The following NLGN1 variants were observed in gnomAD, a reference collection of about 807,000 sequenced individuals.
NLGN1 encodes neuroligin 1, also known as neuroligin-1.
In NLGN1, 12 loss-of-function variants were observed where a neutral mutation model predicts 65.5. The ratio of observed to expected loss-of-function variants is 0.18; its 90% confidence interval spans 0.12 to 0.30. The LOEUF is 0.30. Among genes scored for constraint, NLGN1 ranks in the 10% least tolerant of loss-of-function variants. NLGN1 has a pLI of 1.00. For synonymous variants in NLGN1, 350 were observed against 359.5 expected, an observed-to-expected ratio of 0.97 and a Z score of 0.30; for missense variants, 750 against 1,007.1, an observed-to-expected ratio of 0.74 and a Z score of 3.46.
chr3:174,116,334 T>C (rs1437572702), intron 4 of NLGN1, among the ~76,000 whole-genome samples: 1 of 129,210 alleles, frequency 7.7e-6, no homozygotes, highest in Non-Finnish European at 1.7e-5. Context: ...GGTTTTCTTT[T>C]TTTTTTTTTT....
At chr3:173,878,496 T>C (rs998745216) in intron 4 of NLGN1, among the ~76,000 whole-genome samples, 7 of 152,004 alleles carry the variant, frequency 4.6e-5, no homozygotes, top group Admixed American at 6.6e-5. Flanking sequence ...TCAAGTATCT[T>C]TTTGAAAAAT....
chr3:173,653,531 T>C (rs1365798332), intron 3 of NLGN1, among the ~76,000 whole-genome samples: 1 of 152,214 alleles, frequency 6.6e-6, no homozygotes, highest in Non-Finnish European at 1.5e-5. Flanking sequence ...GTTTATATGA[T>C]GAATTACATT....
chr3:173,943,697 A>G (rs1746577844), intron 4 of NLGN1, among the ~76,000 whole-genome samples: 1 of 151,886 alleles, frequency 6.6e-6, no homozygotes, highest in African/African-American at 2.4e-5. Context: ...TTACAGGCAA[A>G]TTTTCTTCCC....
intron 4 of NLGN1, among the ~76,000 whole-genome samples, chr3:174,113,667 G>A (rs1265731700): frequency 6.6e-6 from 1 of 152,066 alleles, no homozygotes; most frequent in Non-Finnish European, 1.5e-5. Context: ...GATTTAAAAT[G>A]TGGGCATAAA....
chr3:173,492,696 A>G (rs1393930174), intron 2 of NLGN1, among the ~76,000 whole-genome samples: 1 of 151,872 alleles, frequency 6.6e-6, no homozygotes, highest in Non-Finnish European at 1.5e-5. Flanking sequence ...TTAAATCAGA[A>G]TCCATTGCAA....
chr3:174,244,779 A>C (rs990240147), intron 4 of NLGN1, among the ~76,000 whole-genome samples: 1 of 152,184 alleles, frequency 6.6e-6, no homozygotes, highest in Non-Finnish European at 1.5e-5. Context: ...CCCCATTAAA[A>C]TGCTTGGTGA....
intron 4 of NLGN1, among the ~76,000 whole-genome samples, chr3:174,265,630 C>A (rs1029529898): frequency 4.6e-5 from 7 of 152,030 alleles, no homozygotes; most frequent in African/African-American, 1.7e-4. Context: ...ATGCAGAAAT[C>A]ACCCGTCTTC....
In NLGN1 at chr3:174,280,038, A is replaced by C. The variant is rs76110426; in HGVS notation, c.1649+388A>C. ...TCAGGTACTATTAATCCCACTTTAC[A>C]AGAAGGAGACCTGAGGCTCTGTGAG... On this transcript the variant is annotated intron_variant, in intron 6 of 6. Coordinates refer to ENST00000457714, the Ensembl canonical transcript of NLGN1. This position sits in a 1 kb window ranked among gnomAD's most constrained non-coding sequence, Gnocchi z 4.9. 0.027 allele frequency among the ~76,000 whole-genome samples: 4,069 copies of C among 152,062 alleles called. 135 individuals carry two copies. Among genetic ancestry groups the C allele is most frequent in the Middle Eastern group, 0.082 (24 of 294 alleles).
At chr3:173,872,669 A>G (rs900843713) in intron 4 of NLGN1, among the ~76,000 whole-genome samples, 2 of 152,188 alleles carry the variant, frequency 1.3e-5, no homozygotes, top group Non-Finnish European at 2.9e-5. Flanking sequence ...CTTCAGGGCT[A>G]TAAGAATGAC....
intron 4 of NLGN1, among the ~76,000 whole-genome samples, chr3:173,979,941 C>A (rs1055689810): frequency 6.6e-6 from 1 of 152,022 alleles, no homozygotes. Flanking sequence ...GTATTTATAT[C>A]TCTGTGGTTA....
At chr3:173,647,166 T>G (rs1012405249) in intron 3 of NLGN1, among the ~76,000 whole-genome samples, 1 of 152,138 alleles carries the variant, frequency 6.6e-6, no homozygotes, top group African/African-American at 2.4e-5. Context: ...CTTATGCTTC[T>G]AATAATAGAG....
chr3:174,023,740 A>G (rs754455318), intron 4 of NLGN1, among the ~76,000 whole-genome samples: 1 of 152,144 alleles, frequency 6.6e-6, no homozygotes, highest in African/African-American at 2.4e-5. Context: ...GACCACTCCA[A>G]TGGAACAATC....
chr3:173,581,752 T>C (rs1163252259), intron 2 of NLGN1, among the ~76,000 whole-genome samples: 2 of 151,926 alleles, frequency 1.3e-5, no homozygotes, highest in Admixed American at 1.3e-4. Flanking sequence ...TTTTTCAGAC[T>C]TAATTAGAAA....
At chr3:173,898,687 T>C (rs765734804) in intron 4 of NLGN1, among the ~76,000 whole-genome samples, 24 of 152,190 alleles carry the variant, frequency 1.6e-4, no homozygotes, top group Non-Finnish European at 3.1e-4. Context: ...TTCATTTCTG[T>C]AGTAAAACTG....
In NLGN1 at chr3:173,722,931, T is replaced by G. The variant is rs77765693; in HGVS notation, c.494-84749T>G. Among the ~76,000 whole-genome samples, 4,219 of 152,234 alleles carry G rather than the reference T, an allele frequency of 0.028. 414 individuals carry two copies. In the East Asian group the frequency reaches 0.31, roughly 11 times the overall value. Reference sequence around the variant, plus strand: ...AAAATATAAAACGTGGAAAAATTAATTTGAGATGGGCAAGAATATTTTAAT... The same window carrying G: ...AAAATATAAAACGTGGAAAAATTAAGTTGAGATGGGCAAGAATATTTTAAT... On this transcript the variant is annotated intron_variant, in intron 3 of 6. Transcript: ENST00000457714.
intron 4 of NLGN1, among the ~76,000 whole-genome samples, chr3:173,818,895 C>CTTTTTTTTTTTTTTTTCTTTT (rs1719603633): frequency 1.1e-5 from 1 of 92,400 alleles, no homozygotes; most frequent in African/African-American, 4.7e-5. Context: ...TTGAATAGTT[C>CTTTTTTTTTTTTTTTTCTTTT]TTTTTTTTTT....
intron 4 of NLGN1, among the ~76,000 whole-genome samples, chr3:174,271,224 G>A (rs1749334595): frequency 6.6e-6 from 1 of 151,704 alleles, no homozygotes; most frequent in Admixed American, 6.6e-5. Context: ...AAAGAAGGAA[G>A]CACAGCTACA....
intron 4 of NLGN1, among the ~76,000 whole-genome samples, chr3:174,163,611 G>A (rs780829738): frequency 3.3e-5 from 5 of 151,938 alleles, no homozygotes; most frequent in Non-Finnish European, 7.4e-5. Context: ...AGACCCCAGT[G>A]TCTCTGGTTA....
At chr3:173,602,556 G>C (rs1428813134) in intron 2 of NLGN1, among the ~76,000 whole-genome samples, 1 of 151,904 alleles carries the variant, frequency 6.6e-6, no homozygotes, top group Admixed American at 6.6e-5. Flanking sequence ...CCTTAACACA[G>C]GGATTTCTAA....
Sources: gnomAD v4.1 joint callset for allele counts (sites outside exome capture counted in the v4.1 genomes callset) on GRCh38, gnomAD v4.1.1 for gene constraint, Gnocchi (gnomAD v3.1) non-coding constraint, MANE v1.5 for transcripts, NCBI Gene and HGNC (gene_info 2026-07-23, HGNC 2026-07-21) for gene names.